Variants in SLC10A7 observed in about 807,000 individuals in gnomAD.
The protein encoded by SLC10A7 is sodium/bile acid cotransporter 7.
In SLC10A7, 29 loss-of-function variants were observed where a neutral mutation model predicts 43.2. The ratio of observed to expected loss-of-function variants is 0.67; its 90% CI spans 0.50 to 0.92. SLC10A7 has a LOEUF of 0.92. Ranked by LOEUF, SLC10A7 falls within the 40% of genes least tolerant of loss-of-function variation. SLC10A7 has a pLI of 0.00. For missense variants in SLC10A7, 295 were observed against 403.2 expected (o/e 0.73, Z 2.30); for synonymous variants, 152 against 144.8 (o/e 1.05, Z -0.35).
chr4:146,402,057 A>C (rs1739262433), intron 5 of SLC10A7, among the ~76,000 whole-genome samples: 1 of 152,174 alleles, frequency 6.6e-6, no homozygotes, highest in Non-Finnish European at 1.5e-5. Context: ...AGTTGCAGAC[A>C]TGATACCCCA....
At chr4:146,333,830 C>T (rs928698413) in intron 5 of SLC10A7, among the ~76,000 whole-genome samples, 10 of 151,982 alleles carry the variant, frequency 6.6e-5, no homozygotes, top group Admixed American at 3.3e-4. Context: ...AGAATCACTC[C>T]GTGTGTACTT....
At chr4:146,433,455 G>A (rs11726594) in intron 5 of SLC10A7, among the ~76,000 whole-genome samples, 123,821 of 152,086 alleles carry the variant, frequency 0.81, 51,007 homozygotes, top group African/African-American at 0.92. Context: ...CAACTTCTCA[G>A]CCAAAAAATT....
intron 10 of SLC10A7, among the ~76,000 whole-genome samples, chr4:146,277,270 G>A (rs1461445907): frequency 6.6e-6 from 1 of 152,156 alleles, no homozygotes; most frequent in East Asian, 1.9e-4. Flanking sequence ...TTTCAGAGAA[G>A]CTTTAATATC....
chr4:146,269,680 T>A (rs1055859779), intron 10 of SLC10A7, among the ~76,000 whole-genome samples: 2 of 152,216 alleles, frequency 1.3e-5, no homozygotes, highest in Non-Finnish European at 2.9e-5. Flanking sequence ...GTTTTTTAGA[T>A]GTATTTTTAT....
Position 146,293,875 on chromosome 4 carries a change from G to A in SLC10A7, c.721+55C>T, listed in dbSNP as rs1730604936. The stretch of plus-strand genomic sequence containing the variant: ...GAATTTAGAGAACACACAGTGCTAC[G>A]CGTTGCTATTGAGGACACTGAGGGA... On this transcript the variant is annotated intron_variant, in intron 8 of 11. Transcript: ENST00000335472. 9 of 1,277,510 alleles carry A rather than the reference G, an allele frequency of 7.0e-6. No homozygotes were observed. In the South Asian group the frequency reaches 8.5e-5, roughly 12 times the overall value. The allele number at this position is 1,277,510 out of a possible 1,614,324, so 79.1% of individuals were successfully genotyped here.
chr4:146,391,798 A>G (rs1035171242), intron 5 of SLC10A7, among the ~76,000 whole-genome samples: 1 of 152,226 alleles, frequency 6.6e-6, no homozygotes, highest in Non-Finnish European at 1.5e-5. Flanking sequence ...ATTAGTGCCA[A>G]TTCATTCTCC....
At chr4:146,451,738 G>T (rs1163159839) in intron 4 of SLC10A7, among the ~76,000 whole-genome samples, 1 of 151,978 alleles carries the variant, frequency 6.6e-6, no homozygotes, top group East Asian at 1.9e-4. Context: ...TTAGATAGAA[G>T]TTACACACCT....
At chr4:146,446,910 G>C (rs756459898) in intron 4 of SLC10A7, among the ~76,000 whole-genome samples, 14 of 151,972 alleles carry the variant, frequency 9.2e-5, no homozygotes, top group Non-Finnish European at 1.5e-4. Context: ...ACACAAGTAC[G>C]ATTCCCTGAA....
At chr4:146,379,761 T>C (rs546379055) in intron 5 of SLC10A7, among the ~76,000 whole-genome samples, 2 of 152,214 alleles carry the variant, frequency 1.3e-5, no homozygotes, top group Non-Finnish European at 2.9e-5. Context: ...AAGTACTCTT[T>C]CATTGAGTAT....
intron 7 of SLC10A7, among the ~76,000 whole-genome samples, chr4:146,303,865 T>C (rs149329800): frequency 4.7e-3 from 67 of 14,314 alleles, no homozygotes; most frequent in African/African-American, 0.021. Context: ...TTACGATAGA[T>C]ATTATTGTCA....
intron 5 of SLC10A7, among the ~76,000 whole-genome samples, chr4:146,412,537 T>C (rs1414217674): frequency 1.3e-5 from 2 of 152,146 alleles, no homozygotes; most frequent in African/African-American, 2.4e-5. Context: ...TAAAATTTTA[T>C]GTATATCAAC....
chr4:146,446,750 A>ATCTG (rs1560916137), intron 4 of SLC10A7, among the ~76,000 whole-genome samples: 2 of 145,792 alleles, frequency 1.4e-5, no homozygotes, highest in African/African-American at 5.2e-5. Flanking sequence ...TTATCTATCT[A>ATCTG]TCTATCTATC....
intron 3 of SLC10A7, among the ~76,000 whole-genome samples, chr4:146,508,469 C>T (rs984052219): frequency 6.6e-6 from 1 of 152,138 alleles, no homozygotes; most frequent in African/African-American, 2.4e-5. Context: ...ATTTTATGTT[C>T]ATTCTCTGAA....
intron 5 of SLC10A7, among the ~76,000 whole-genome samples, chr4:146,339,918 T>A (rs1734140421): frequency 6.7e-6 from 1 of 150,064 alleles, no homozygotes; most frequent in Non-Finnish European, 1.5e-5. Flanking sequence ...TATCAACCCA[T>A]CATCTAGGTT....
chr4:146,331,108 C>T (rs1733500646), intron 5 of SLC10A7, among the ~76,000 whole-genome samples: 1 of 152,162 alleles, frequency 6.6e-6, no homozygotes, highest in Admixed American at 6.6e-5. Context: ...CAAAAGTCCT[C>T]AGTTCCTCCA....
chr4:146,299,810 A>G (rs1047036436), intron 7 of SLC10A7, among the ~76,000 whole-genome samples: 1 of 152,210 alleles, frequency 6.6e-6, no homozygotes, highest in African/African-American at 2.4e-5. Context: ...AATTCAACAC[A>G]AGATGAGACC....
chr4:146,470,985 C>T (rs946165898), intron 4 of SLC10A7, among the ~76,000 whole-genome samples: 4 of 152,120 alleles, frequency 2.6e-5, no homozygotes, highest in African/African-American at 9.7e-5. Context: ...TAAAATACAG[C>T]CCAACTATAT....
intron 9 of SLC10A7, among the ~76,000 whole-genome samples, chr4:146,286,676 G>A (rs1414483208): frequency 6.0e-5 from 9 of 150,200 alleles, no homozygotes; most frequent in Admixed American, 3.3e-4. Context: ...GAGAAGGACC[G>A]TGTCTGGAGT....
At chr4:146,444,501 C>A (rs1029458090) in intron 4 of SLC10A7, among the ~76,000 whole-genome samples, 5 of 152,152 alleles carry the variant, frequency 3.3e-5, no homozygotes, top group Non-Finnish European at 7.4e-5. Context: ...ATAAACAACT[C>A]ATAAATACTC....
Sources: allele counts gnomAD v4.1 joint callset (sites outside exome capture counted in the v4.1 genomes callset), GRCh38; gene constraint gnomAD v4.1.1; transcripts MANE v1.5; gene names NCBI Gene and HGNC (gene_info 2026-07-23, HGNC 2026-07-21).